Variants in SOAT1 observed in about 807,000 individuals in gnomAD.
The protein encoded by SOAT1 is sterol O-acyltransferase 1.
SOAT1 carries 55 observed loss-of-function variants against 69.5 expected under a neutral mutation model. The ratio of observed to expected loss-of-function variants is 0.79; its 90% confidence interval spans 0.64 to 0.99. SOAT1 has a LOEUF of 0.99. Ranked by LOEUF, SOAT1 falls within the 50% of genes least tolerant of loss-of-function variation. SOAT1 has a pLI of 0.00. For synonymous variants in SOAT1, 231 were observed against 224.7 expected (o/e 1.03, Z -0.25); for missense variants, 580 against 669.3 (o/e 0.87, Z 1.47).
At position 179,358,127 on chromosome 1, in the gene SOAT1, T is replaced by A. The variant is rs963811916; in HGVS notation, c.*4486T>A. On this transcript the variant is annotated 3_prime_UTR_variant, in exon 16 of 16. Coordinates refer to ENST00000367619, the MANE Select transcript of SOAT1 (RefSeq NM_003101.6). ...TAATCTATATAGTGTACTAAATCCTTATATGTTTTTGGTAAAAAAAGACTT... is the reference window on the plus strand; with the variant it reads ...TAATCTATATAGTGTACTAAATCCTAATATGTTTTTGGTAAAAAAAGACTT... The A allele has an allele frequency of 1.3e-5, 2 of 152,206 alleles. No individual in the cohort carries two copies. Among genetic ancestry groups the A allele is most frequent in the Admixed American group, 6.5e-5 (1 of 15,272 alleles). 9.4% of individuals were successfully genotyped at this position (152,206 alleles called of 1,614,324 possible).
At chr1:179,316,622 A>G (rs989465314) in intron 2 of SOAT1, among the ~76,000 whole-genome samples, 1 of 152,040 alleles carries the variant, frequency 6.6e-6, no homozygotes, top group Non-Finnish European at 1.5e-5. Context: ...CAAACTGCCG[A>G]CCTCAGGTGA....
In SOAT1 at chr1:179,337,788, TATA is replaced by T. The variant is rs1558053193; in HGVS notation, c.330-45_330-43del. ...CTCTTGTCTGTGGGATTAGATTTCT[TATA>T]ATACTTGAAGTACTTATATCTTGTT... On this transcript the variant is annotated intron_variant, in intron 4 of 15. Transcript: ENST00000367619. 3 of 1,339,934 alleles carry T rather than the reference TATA, an allele frequency of 2.2e-6. No homozygotes were observed. The Admixed American group carries it at 6.3e-5, about 28-fold the overall frequency. 83.0% of individuals were successfully genotyped at this position (1,339,934 alleles called of 1,614,324 possible). A position where few individuals can be genotyped will look rare whatever the true frequency, so the allele number is the denominator to read the frequency against.
At chr1:179,331,397 T>G (rs1427182810) in intron 3 of SOAT1, among the ~76,000 whole-genome samples, 1 of 152,160 alleles carries the variant, frequency 6.6e-6, no homozygotes, top group Non-Finnish European at 1.5e-5. Context: ...GAACACTATA[T>G]GCAAAATGCA....
At chr1:179,332,508 A>T (rs1666004790) in intron 3 of SOAT1, among the ~76,000 whole-genome samples, 1 of 152,180 alleles carries the variant, frequency 6.6e-6, no homozygotes, top group African/African-American at 2.4e-5. Context: ...TAGATTACCT[A>T]AAAAAGCACC....
intron 13 of SOAT1, among the ~76,000 whole-genome samples, chr1:179,349,208 G>C (rs554296321): frequency 6.6e-6 from 1 of 152,102 alleles, no homozygotes; most frequent in East Asian, 1.9e-4. Flanking sequence ...AGAATGCATG[G>C]AGGTTGTTGG....
intron 2 of SOAT1, among the ~76,000 whole-genome samples, chr1:179,316,968 CAG>C (rs1489755787): frequency 2.6e-5 from 4 of 151,806 alleles, no homozygotes; most frequent in East Asian, 3.9e-4. Flanking sequence ...TATGTAATGA[CAG>C]AGAAAAATGT....
chr1:179,302,928 C>G (rs1202314407), intron 2 of SOAT1, 126 bp downstream of exon 2: 3 of 509,488 alleles, frequency 5.9e-6, no homozygotes, highest in East Asian at 6.5e-5. Context: ...TTTTATATGT[C>G]TAGTAACAAA....
intron 2 of SOAT1, among the ~76,000 whole-genome samples, chr1:179,305,709 G>A (rs1664979761): frequency 6.6e-6 from 1 of 152,094 alleles, no homozygotes; most frequent in African/African-American, 2.4e-5. Context: ...ATGTATGAGG[G>A]TTCCAATTTC....
intron 15 of SOAT1, among the ~76,000 whole-genome samples, chr1:179,353,211 A>ATATATATATAAATATATATT (rs57930073): frequency 4.6e-5 from 3 of 64,522 alleles, no homozygotes; most frequent in Non-Finnish European, 9.5e-5. Context: ...ATATATAAAT[A>ATATATATATAAATATATATT]TATATATATA....
chr1:179,343,192 AT>A (rs1461635141), intron 9 of SOAT1, among the ~76,000 whole-genome samples: 2 of 151,742 alleles, frequency 1.3e-5, no homozygotes, highest in South Asian at 2.1e-4. Flanking sequence ...ATTTTTATTT[AT>A]TTTTATTATT....
In SOAT1 at chr1:179,349,455, G is replaced by A. The variant is rs528148340; in HGVS notation, c.1314+513G>A. 1.7e-4 allele frequency among the ~76,000 whole-genome samples: 26 copies of A among 150,468 alleles called. No individual in the cohort carries two copies. In the South Asian group the frequency reaches 2.9e-3, roughly 17 times the overall value. On this transcript the variant is annotated intron_variant, in intron 13 of 15. Transcript: ENST00000367619. The stretch of plus-strand genomic sequence containing the variant: ...CGATTCTCCTGCCTCAGCCTCCCAA[G>A]TAGCTGGGATTACAGGCATGCACCA...
chr1:179,309,327 C>G (rs184750472), intron 2 of SOAT1, among the ~76,000 whole-genome samples: 3 of 152,178 alleles, frequency 2.0e-5, no homozygotes, highest in Non-Finnish European at 2.9e-5. Flanking sequence ...AGTGCGCCGC[C>G]TGCCTCAGCC....
chr1:179,319,535 G>T (rs1665522411), intron 2 of SOAT1, among the ~76,000 whole-genome samples: 1 of 152,136 alleles, frequency 6.6e-6, no homozygotes, highest in South Asian at 2.1e-4. Flanking sequence ...CTCCCAAAAT[G>T]CTGGGATTAC....
Position 179,353,855 on chromosome 1 carries a change from G to C in SOAT1, c.*214G>C, listed in dbSNP as rs545005347. ...AAGCAGAGCAGAACTTTTTTTGTGG[G>C]GCTGGGTGGGGGGAGAAGACCGACT... On this transcript the variant is annotated 3_prime_UTR_variant, in exon 16 of 16. Transcript: ENST00000367619. The C allele has an allele frequency of 1.2e-4, 63 of 525,282 alleles. No individual in the cohort carries two copies. Among genetic ancestry groups the C allele is most frequent in the African/African-American group, 1.2e-3 (60 of 50,564 alleles). The allele number at this position is 525,282 out of a possible 1,614,324, so 32.5% of individuals were successfully genotyped here.
intron 2 of SOAT1, among the ~76,000 whole-genome samples, chr1:179,305,645 A>C (rs1211118734): frequency 6.6e-6 from 1 of 152,128 alleles, no homozygotes; most frequent in Non-Finnish European, 1.5e-5. Flanking sequence ...TAACTTTTTG[A>C]GGAGCTGCTG....
intron 6 of SOAT1, 64 bp from the exon 7 acceptor site, chr1:179,340,963 TC>T: frequency 6.8e-7 from 1 of 1,476,462 alleles, no homozygotes; most frequent in Non-Finnish European, 9.2e-7. Context: ...ACTTTTAAAT[TC>T]TGTGAACTCA....
chr1:179,343,215 TTTTA>T (rs1373466857), intron 9 of SOAT1, among the ~76,000 whole-genome samples: 25 of 152,058 alleles, frequency 1.6e-4, no homozygotes, highest in Admixed American at 1.6e-3. Flanking sequence ...TTAATTTATT[TTTTA>T]TTAATTAATT....
intron 2 of SOAT1, among the ~76,000 whole-genome samples, chr1:179,306,052 G>A (rs1664991288): frequency 6.6e-6 from 1 of 152,198 alleles, no homozygotes; most frequent in Admixed American, 6.6e-5. Context: ...ATCCACAGAG[G>A]TATGCATTTG....
In SOAT1 at chr1:179,341,125, C is replaced by T; in HGVS notation, c.595C>T (p.Pro199Ser). 1.2e-6 allele frequency: 2 copies of T among 1,614,004 alleles called. No homozygotes were observed. Among genetic ancestry groups the T allele is most frequent in the Non-Finnish European group, 1.7e-6 (2 of 1,179,964 alleles). Reference protein sequence around the residue: ...WIMFLSTFSVPYFLFQHWATG... With the variant: ...WIMFLSTFSVSYFLFQHWATG... ...CATGTTCCTGTCTACATTTTCAGTT[C>T]CCTATTTTCTGTTTCAACATTGGGC... The change falls in exon 7 of 16, where the codon CCC becomes TCC. Residue 199 changes from proline (P) to serine (S), a missense_variant. Physicochemically the swap from Pro to Ser is moderately conservative, Grantham distance 74. Transcript: ENST00000367619.
Sources: allele counts gnomAD v4.1 joint callset (sites outside exome capture counted in the v4.1 genomes callset), GRCh38; gene constraint gnomAD v4.1.1; transcripts MANE v1.5; gene names NCBI Gene and HGNC (gene_info 2026-07-23, HGNC 2026-07-21).